The following CLASP1 variants were observed in gnomAD, a reference collection of about 807,000 sequenced individuals.
CLASP1 encodes CLIP-associating protein 1.
CLASP1 carries 38 observed loss-of-function variants against 192.3 expected under a neutral mutation model. The observed-to-expected ratio is 0.20, with a 90% confidence interval of 0.15 to 0.26. The LOEUF (loss-of-function observed/expected upper bound fraction) is 0.26, where lower values mean the gene tolerates loss of function less well. CLASP1 is among the 10% of genes least tolerant of loss of function. The pLI, the probability that CLASP1 is intolerant of heterozygous loss-of-function variation, is 1.00. For missense variants in CLASP1, 1,433 were observed against 1,932.5 expected (o/e 0.74, Z 4.85); for synonymous variants, 691 against 712.8 (o/e 0.97, Z 0.49).
At chr2:121,397,084 C>T in intron 30 of CLASP1, 56 bp downstream of exon 31, 4 of 1,582,358 alleles carry the variant, frequency 2.5e-6, no homozygotes, top group Non-Finnish European at 3.5e-6. Context: ...AAATACATTT[C>T]TCTAACACAA....
intron 10 of CLASP1, 72 bp downstream of exon 10, chr2:121,462,460 C>T: frequency 1.2e-6 from 1 of 842,046 alleles, no homozygotes; most frequent in African/African-American, 1.7e-5. Flanking sequence ...ATTACATAGG[C>T]AGAATTGAAA....
intron 7 of CLASP1, chr2:121,513,053 G>C (rs1179820017): frequency 6.6e-6 from 1 of 152,162 alleles, no homozygotes; most frequent in Non-Finnish European, 1.5e-5. Context: ...CACCCACGTG[G>C]AGCCACATAT....
At chr2:121,500,392 G>GA (rs768936129) in intron 8 of CLASP1, among the ~76,000 whole-genome samples, 18 of 112,272 alleles carry the variant, frequency 1.6e-4, no homozygotes, top group Admixed American at 5.6e-4. Context: ...AAGAAAGAAA[G>GA]AAAGAAAAGA....
At chr2:121,638,552 A>G (rs564639952) in intron 1 of CLASP1, among the ~76,000 whole-genome samples, 1 of 152,324 alleles carries the variant, frequency 6.6e-6, no homozygotes, top group East Asian at 1.9e-4. Context: ...ATTATTCACA[A>G]TAGCCAAAGA....
chr2:121,431,483 G>A (rs985148066), intron 19 of CLASP1, among the ~76,000 whole-genome samples: 1 of 152,092 alleles, frequency 6.6e-6, no homozygotes, highest in Non-Finnish European at 1.5e-5. Flanking sequence ...GGAAGCCTAT[G>A]AGTGATGACC....
intron 2 of CLASP1, among the ~76,000 whole-genome samples, chr2:121,574,602 T>G (rs893507567): frequency 1.5e-5 from 2 of 129,424 alleles, no homozygotes; most frequent in Admixed American, 1.9e-4. Flanking sequence ...GCCACTGCAC[T>G]CCAGCCTGGG....
chr2:121,540,108 AC>A (rs1184555025), intron 2 of CLASP1, among the ~76,000 whole-genome samples: 1 of 152,236 alleles, frequency 6.6e-6, no homozygotes, highest in Non-Finnish European at 1.5e-5. Context: ...ACCAACAGAA[AC>A]ACATGCATAC....
chr2:121,582,472 T>C (rs1474271399), intron 2 of CLASP1, among the ~76,000 whole-genome samples: 1 of 141,056 alleles, frequency 7.1e-6, no homozygotes, highest in Non-Finnish European at 1.5e-5. Context: ...AAGATACATG[T>C]TTTTGGAAGG....
chr2:121,530,902 C>G (rs144448852), intron 2 of CLASP1: 1 of 695,468 alleles, frequency 1.4e-6, no homozygotes, highest in African/African-American at 1.7e-5. Context: ...CTTGGGGTTG[C>G]GCTACTGTCC....
chr2:121,563,061 TC>T (rs2059226134), intron 2 of CLASP1, among the ~76,000 whole-genome samples: 1 of 152,084 alleles, frequency 6.6e-6, no homozygotes, highest in African/African-American at 2.4e-5. Context: ...GGTGTCACAC[TC>T]CTAAGGTGTG....
chr2:121,522,071 G>A (rs568915330), intron 6 of CLASP1, among the ~76,000 whole-genome samples: 47 of 152,206 alleles, frequency 3.1e-4, no homozygotes, highest in Non-Finnish European at 5.0e-4. Flanking sequence ...CGGGGAGGTA[G>A]GTGGCAGAAC....
intron 22 of CLASP1, among the ~76,000 whole-genome samples, chr2:121,421,372 C>T (rs1471402367): frequency 6.6e-6 from 1 of 152,060 alleles, no homozygotes; most frequent in African/African-American, 2.4e-5. Context: ...TCTCGTCCCA[C>T]GAGTAGCTGG....
chr2:121,388,215 G>T, intron 30 of CLASP1: 1 of 220,112 alleles, frequency 4.5e-6, no homozygotes. Flanking sequence ...GTAGGTAAAT[G>T]AAACAATTAA....
rs1217307202 is a variant in CLASP1 at position 121,478,760 on chromosome 2, CA to C, written c.713-8801del. On this transcript the variant is annotated intron_variant, in intron 8 of 39. Transcript: ENST00000263710. ...ACACACCCCACACACACCACACACA[CA>C]CCACACACCCCACACACACACCCCA... Among the ~76,000 whole-genome samples, 90 of 87,224 alleles carry C rather than the reference CA, an allele frequency of 1.0e-3. 3 individuals are homozygous for C. Among genetic ancestry groups the C allele is most frequent in the African/African-American group, 4.4e-3 (82 of 18,678 alleles). 57.2% of individuals were successfully genotyped at this position (87,224 alleles called of 152,430 possible).
chr2:121,364,797 T>C (rs2067073423), intron 36 of CLASP1: 1 of 388,232 alleles, frequency 2.6e-6, no homozygotes, highest in Admixed American at 3.8e-5. Context: ...CATTCTATGC[T>C]AATAAAGTTT....
Position 121,418,727 on chromosome 2 carries a change from G to A in CLASP1, c.2215C>T (p.Arg739Trp), listed in dbSNP as rs200744541. 2.6e-5 allele frequency: 41 copies of A among 1,606,928 alleles called. No homozygotes were observed. In the African/African-American group the frequency reaches 2.9e-4, roughly 12 times the overall value. ...CTGGGTCGAGGGATACGGCTGCTCC[G>A]TGCTAGCGTGCAGCATGAAGGGTTT... is the stretch of plus-strand genomic sequence containing the variant. Residue 739 changes from arginine (R) to tryptophan (W), a missense_variant and splice_region_variant, in exon 23 of 40, where the codon CGG (arginine) becomes TGG (tryptophan). Physicochemically the swap from Arg to Trp is moderately radical, Grantham distance 101. Transcript: ENST00000263710.
At chr2:121,374,029 T>C (rs1245597919) in intron 34 of CLASP1, among the ~76,000 whole-genome samples, 1 of 152,218 alleles carries the variant, frequency 6.6e-6, no homozygotes, top group East Asian at 1.9e-4. Flanking sequence ...AATGGAGTAA[T>C]GTCTCCAGGG....
intron 8 of CLASP1, among the ~76,000 whole-genome samples, chr2:121,488,538 T>C (rs1271669131): frequency 1.3e-5 from 2 of 152,226 alleles, no homozygotes; most frequent in Non-Finnish European, 2.9e-5. Context: ...GAATAAAGAC[T>C]TGTCTAAGAC....
chr2:121,380,167 C>T (rs2071293987), intron 33 of CLASP1, among the ~76,000 whole-genome samples: 1 of 152,150 alleles, frequency 6.6e-6, no homozygotes, highest in African/African-American at 2.4e-5. Context: ...TAAGTTCTCA[C>T]TTAAAGGAAA....
Sources: gnomAD v4.1 joint callset for allele counts (sites outside exome capture counted in the v4.1 genomes callset) on GRCh38, gnomAD v4.1.1 for gene constraint, MANE v1.5 for transcripts, NCBI Gene and HGNC (gene_info 2026-07-23, HGNC 2026-07-21) for gene names.